The following STAG1 variants were observed in gnomAD, a reference collection of about 807,000 sequenced individuals.
The protein encoded by STAG1 is cohesin subunit SA-1.
STAG1 carries 26 observed loss-of-function variants against 170.9 expected under a neutral mutation model. The ratio of observed to expected loss-of-function variants is 0.15; its 90% CI spans 0.11 to 0.21. The LOEUF (loss-of-function observed/expected upper bound fraction) is 0.21. STAG1 is among the 10% of genes least tolerant of loss of function. The pLI is 1.00. For missense variants in STAG1, 964 were observed against 1,509.5 expected, an observed-to-expected ratio of 0.64 and a Z score of 5.99; for synonymous variants, 514 against 497.7, an observed-to-expected ratio of 1.03 and a Z score of -0.44.
At chr3:136,542,926 C>T (rs1316407741) in intron 5 of STAG1, among the ~76,000 whole-genome samples, 1 of 152,136 alleles carries the variant, frequency 6.6e-6, no homozygotes, top group African/African-American at 2.4e-5. Context: ...GGTTTACATG[C>T]AGGCAGACTG....
At chr3:136,682,458 T>C (rs539284362) in intron 1 of STAG1, among the ~76,000 whole-genome samples, 1 of 149,714 alleles carries the variant, frequency 6.7e-6, no homozygotes, top group African/African-American at 2.4e-5. Context: ...TATATATATA[T>C]ATATACACAT....
chr3:136,731,779 T>C (rs1453639528), intron 1 of STAG1, among the ~76,000 whole-genome samples: 2 of 152,222 alleles, frequency 1.3e-5, no homozygotes, highest in Non-Finnish European at 2.9e-5. Flanking sequence ...TATCTCTTTT[T>C]CATCAAGTAT....
chr3:136,723,593 T>C (rs1273319666), intron 1 of STAG1, among the ~76,000 whole-genome samples: 1 of 143,110 alleles, frequency 7.0e-6, no homozygotes, highest in African/African-American at 2.6e-5. Context: ...AGCCGCCCCG[T>C]CCAGGAGGGA....
chr3:136,736,694 T>C, intron 1 of STAG1: 2 of 1,604,092 alleles, frequency 1.2e-6, no homozygotes, highest in Non-Finnish European at 8.5e-7. Context: ...GTCGTTTCCT[T>C]TCAGCATCTC....
At chr3:136,651,376 T>TTA (rs372825488) in intron 1 of STAG1, among the ~76,000 whole-genome samples, 7 of 121,982 alleles carry the variant, frequency 5.7e-5, no homozygotes, top group Admixed American at 4.3e-4. Flanking sequence ...ACCAAAAATT[T>TTA]AAAAAAAAAA....
intron 12 of STAG1, among the ~76,000 whole-genome samples, 175 bp downstream of exon 12, chr3:136,472,238 A>G (rs1362995524): frequency 6.6e-6 from 1 of 152,252 alleles, no homozygotes; most frequent in African/African-American, 2.4e-5. Context: ...TGAAAATAAA[A>G]AACAAAAATA....
At chr3:136,740,671 G>C (rs1271070373) in intron 1 of STAG1, among the ~76,000 whole-genome samples, 1 of 152,104 alleles carries the variant, frequency 6.6e-6, no homozygotes, top group African/African-American at 2.4e-5. Flanking sequence ...TGTAGACACA[G>C]GGTTTCACTA....
chr3:136,551,610 T>C (rs1015327387), intron 5 of STAG1, among the ~76,000 whole-genome samples: 12 of 149,764 alleles, frequency 8.0e-5, no homozygotes, highest in Non-Finnish European at 1.0e-4. Flanking sequence ...TTCATGTGTC[T>C]ATTCTCAGTA....
At chr3:136,551,622 T>TG (rs1307631878) in intron 5 of STAG1, among the ~76,000 whole-genome samples, 1 of 147,244 alleles carries the variant, frequency 6.8e-6, no homozygotes, top group African/African-American at 2.5e-5. Context: ...TTCTCAGTAT[T>TG]TTTTTTTTGA....
chr3:136,710,991 C>A (rs1943366906), intron 1 of STAG1, among the ~76,000 whole-genome samples: 2 of 151,672 alleles, frequency 1.3e-5, no homozygotes, highest in South Asian at 4.1e-4. Flanking sequence ...TAATTTTTCA[C>A]AAAAACCTTT....
chr3:136,440,451 T>C (rs1307209725), intron 15 of STAG1, among the ~76,000 whole-genome samples: 1 of 151,800 alleles, frequency 6.6e-6, no homozygotes, highest in Non-Finnish European at 1.5e-5. Context: ...ATTTATATTC[T>C]TTGCCTCCCT....
rs751920440 is a variant in STAG1, at chr3:136,421,183, C to T, written c.2038-20G>A. The T allele has an allele frequency of 1.3e-6, 2 of 1,552,062 alleles. No homozygotes were observed. The highest frequency in any genetic ancestry group is 2.3e-5 in the South Asian group (2 of 87,066). On this transcript the variant is annotated intron_variant, in intron 19 of 33. Transcript: ENST00000383202. ...TTCTCCCTATAAAAAAAGGAAACATCACATCATTACAACTTTACTCACCTT... is the reference window on the plus strand; with the variant it reads ...TTCTCCCTATAAAAAAAGGAAACATTACATCATTACAACTTTACTCACCTT...
intron 10 of STAG1, 142 bp downstream of exon 10, chr3:136,477,147 T>C (rs1368627635): frequency 9.3e-6 from 8 of 858,952 alleles, no homozygotes; most frequent in Non-Finnish European, 6.8e-6. Flanking sequence ...AATCATCAAG[T>C]AAATAGTTAT....
intron 1 of STAG1, among the ~76,000 whole-genome samples, chr3:136,735,401 C>G (rs1346401269): frequency 6.6e-6 from 1 of 152,004 alleles, no homozygotes; most frequent in Non-Finnish European, 1.5e-5. Flanking sequence ...GGTGGGATTA[C>G]AGGCATGAGC....
At chr3:136,525,365 T>C (rs997378475) in intron 6 of STAG1, among the ~76,000 whole-genome samples, 4 of 152,212 alleles carry the variant, frequency 2.6e-5, no homozygotes, top group Non-Finnish European at 5.9e-5. Context: ...TCTTCTAGAT[T>C]TTCTAGTTTA....
chr3:136,662,097 T>C (rs1232897252), intron 1 of STAG1, among the ~76,000 whole-genome samples: 1 of 152,094 alleles, frequency 6.6e-6, no homozygotes, highest in Non-Finnish European at 1.5e-5. Context: ...AACTGAGTCT[T>C]AGCTAGGCCA....
intron 6 of STAG1, 24 bp from the exon 7 acceptor site, chr3:136,521,441 T>C (rs1559855693): frequency 5.6e-6 from 9 of 1,602,210 alleles, no homozygotes; most frequent in Non-Finnish European, 6.8e-6. Context: ...AAAGAACATA[T>C]TAAGTATGTC....
Position 136,476,022 on chromosome 3 carries a change from T to G in STAG1, c.1026+1267A>C, listed in dbSNP as rs78476465. Among the ~76,000 whole-genome samples the G allele has an allele frequency of 1.1e-4, 16 of 152,276 alleles. No homozygotes were observed. The East Asian group carries it at 2.9e-3, about 28-fold the overall frequency. ...AATAAGAGTTATGATATGAAAAAAG[T>G]GAAGTCTAAAGGATATCTGGGTAGA... On this transcript the variant is annotated intron_variant, in intron 10 of 33. Coordinates refer to ENST00000383202, the MANE Select transcript of STAG1 (RefSeq NM_005862.3).
intron 28 of STAG1, among the ~76,000 whole-genome samples, chr3:136,356,346 T>C (rs1173061782): frequency 5.3e-5 from 8 of 152,190 alleles, no homozygotes; most frequent in Admixed American, 5.2e-4. Context: ...TAACTGTCTC[T>C]CCAAAATTCT....
Sources: allele counts gnomAD v4.1 joint callset (sites outside exome capture counted in the v4.1 genomes callset), GRCh38; gene constraint gnomAD v4.1.1; transcripts MANE v1.5; gene names NCBI Gene and HGNC (gene_info 2026-07-23, HGNC 2026-07-21).